EIF2S3B: variants seen among roughly 807,000 people sequenced by gnomAD.
The protein encoded by EIF2S3B is eukaryotic translation initiation factor 2 subunit gamma B.
In EIF2S3B, 16 loss-of-function variants were observed where a neutral mutation model predicts 26.4. The observed-to-expected ratio is 0.61, with a 90% CI of 0.41 to 0.92. EIF2S3B has a LOEUF of 0.92. Among genes scored for constraint, EIF2S3B ranks in the 40% least tolerant of loss-of-function variants. The probability of loss-of-function intolerance (pLI) is 0.00; values close to 1 mark genes in which losing one functional copy is unlikely to be tolerated. For synonymous variants in EIF2S3B, 183 were observed against 204.4 expected (o/e 0.90, Z 0.89); for missense variants, 510 against 575.5 (o/e 0.89, Z 1.16).
intron 1 of EIF2S3B, among the ~76,000 whole-genome samples, chr12:10,515,521 C>A (rs775075280): frequency 6.6e-6 from 1 of 151,860 alleles, no homozygotes; most frequent in Non-Finnish European, 1.5e-5. Context: ...TGAAATATAT[C>A]AAAACTGGTA....
chr12:10,507,438 T>C lies in EIF2S3B; in HGVS notation c.*117T>C. 2.5e-6 allele frequency: 3 copies of C among 1,218,650 alleles called. No individual in the cohort carries two copies. The highest frequency in any genetic ancestry group is 3.6e-6 in the Non-Finnish European group (3 of 842,904). 75.5% of individuals were successfully genotyped at this position (1,218,650 alleles called of 1,614,324 possible). ...GAATTGATTTCACAGTTTGTTACCT[T>C]AGTAGGTAACGGTAAGGTTATTCTC... On this transcript the variant is annotated 3_prime_UTR_variant, in exon 1 of 1. Transcript: ENST00000538173.
intron 1 of EIF2S3B, among the ~76,000 whole-genome samples, chr12:10,515,834 A>G (rs1864749580): frequency 6.6e-6 from 1 of 151,574 alleles, no homozygotes; most frequent in African/African-American, 2.4e-5. Context: ...ATGTATATAT[A>G]TGTGTGTGTA....
Position 10,506,781 on chromosome 12 carries a change from G to C in EIF2S3B, c.879G>C (p.Glu293Asp). The C allele has an allele frequency of 1.2e-6, 2 of 1,613,836 alleles. No homozygotes were observed. Among genetic ancestry groups the C allele is most frequent in the Non-Finnish European group, 1.7e-6 (2 of 1,179,708 alleles). ...AAGGAGTATTAAAGGTGGGCCAGGA[G>C]ACAGAAGTAAGACCTGGTATTGTTT... ...ILKGVLKVGQETEVRPGIVSK... is the reference protein window; with the variant it reads ...ILKGVLKVGQDTEVRPGIVSK... The change falls in exon 1 of 1, where the codon GAG becomes GAC. Residue 293 changes from glutamate to aspartate, a missense_variant. By Grantham distance (45) the Glu-to-Asp change is conservative. Transcript: ENST00000538173.
downstream of EIF2S3B, among the ~76,000 whole-genome samples, chr12:10,511,713 A>T (rs897893874): frequency 6.6e-6 from 1 of 152,182 alleles, no homozygotes; most frequent in African/African-American, 2.4e-5. Flanking sequence ...TTTGCATTTA[A>T]AGGGATTTGT....
In EIF2S3B at chr12:10,506,376, G is replaced by A; in HGVS notation, c.474G>A (p.Leu158=). 3.1e-6 allele frequency: 5 copies of A among 1,614,106 alleles called. No homozygotes were observed. The South Asian group carries it at 5.5e-5, about 18-fold the overall frequency. ...GAAVMDAALL[L]IAGNESCPQP... ...CAGTGATGGATGCAGCTCTTCTGTT[G>A]ATAGCTGGTAATGAATCTTGCCCTC... is the stretch of plus-strand genomic sequence containing the variant. The change falls in exon 1 of 1, where the codon TTG becomes TTA. Residue 158 remains leucine, a synonymous_variant. Transcript: ENST00000538173.
At chr12:10,518,578 T>C (rs984860401) in intron 1 of EIF2S3B, among the ~76,000 whole-genome samples, 3 of 152,272 alleles carry the variant, frequency 2.0e-5, no homozygotes, top group South Asian at 2.1e-4. Flanking sequence ...TGTCTTTTAA[T>C]TGGAGCATTT....
intron 1 of EIF2S3B, among the ~76,000 whole-genome samples, chr12:10,518,033 A>T (rs1297602992): frequency 2.0e-5 from 3 of 151,926 alleles, no homozygotes; most frequent in Non-Finnish European, 2.9e-5. Flanking sequence ...ACTTCCAACT[A>T]TGTGGTCAAT....
At chr12:10,513,745 T>C (rs1252846206) in intron 1 of EIF2S3B, among the ~76,000 whole-genome samples, 1 of 152,224 alleles carries the variant, frequency 6.6e-6, no homozygotes, top group Non-Finnish European at 1.5e-5. Flanking sequence ...CCGGGCACAG[T>C]GGCTCACGCC....
Position 10,506,428 on chromosome 12 carries a change from G to A in EIF2S3B, c.526G>A (p.Ala176Thr), listed in dbSNP as rs765999680. The A allele has an allele frequency of 1.9e-5, 30 of 1,613,554 alleles. No individual in the cohort carries two copies. The highest frequency in any genetic ancestry group is 2.5e-5 in the Non-Finnish European group (30 of 1,179,600). Residue 176 changes from alanine (A) to threonine (T), a missense_variant, in exon 1 of 1, where the codon GCT becomes ACT. Ala to Thr is a moderately conservative substitution (Grantham distance 58, BLOSUM62 0). Transcript: ENST00000538173. ...GCCTCAGACATCTGAACACCTGGCT[G>A]CTATAGAGATCATGAAACTGAAGCA... ...PQPQTSEHLA[A>T]IEIMKLKHIL... is the part of the protein sequence containing the mutation.
At chr12:10,523,094 A>C (rs1406221094) in exon 2 of EIF2S3B, 1 of 152,286 alleles carries the variant, frequency 6.6e-6, no homozygotes, top group African/African-American at 2.4e-5. Flanking sequence ...AATTATATGA[A>C]AAATTCTGAT....
downstream of EIF2S3B, among the ~76,000 whole-genome samples, chr12:10,512,057 G>A: frequency 6.6e-6 from 1 of 152,106 alleles, no homozygotes; most frequent in Non-Finnish European, 1.5e-5. Flanking sequence ...GTTCCATTCA[G>A]CAATCCACTC....
At position 10,508,517 on chromosome 12, in the gene EIF2S3B, T is replaced by G. The variant is rs1453861874; in HGVS notation, c.*1196T>G. Among the ~76,000 whole-genome samples, 1 of 114,654 alleles carries G rather than the reference T, an allele frequency of 8.7e-6. No homozygotes were observed. Among genetic ancestry groups the G allele is most frequent in the Non-Finnish European group, 1.8e-5 (1 of 56,712 alleles). The allele number at this position is 114,654 out of a possible 152,430, so 75.2% of individuals were successfully genotyped here. On this transcript the variant is annotated 3_prime_UTR_variant, in exon 1 of 1. Coordinates refer to ENST00000538173, the MANE Select transcript of EIF2S3B (RefSeq NM_001357734.3). The stretch of plus-strand genomic sequence containing the variant: ...TCAAAAGGTCAATAAGTAAAAGATG[T>G]TAGAAAGCAAAAAAAAAAAAAAAAA...
In EIF2S3B at chr12:10,505,989, G is replaced by T. The variant is rs573205960; in HGVS notation, c.87G>T (p.Thr29=). The stretch of plus-strand genomic sequence containing the variant: ...CCACCTTGGATGTTACCAAGTTGAC[G>T]CCACTTTCACACGAAGTTATCAGCA... The part of the protein sequence containing the change: ...DLTTLDVTKL[T]PLSHEVISRQ... The change falls in exon 1 of 1, where the codon ACG becomes ACT. Residue 29 remains threonine (T), a synonymous_variant. Coordinates refer to ENST00000538173, the MANE Select transcript of EIF2S3B (RefSeq NM_001357734.3). 1 of 1,605,898 alleles carries T rather than the reference G, an allele frequency of 6.2e-7. No individual in the cohort carries two copies. The highest frequency in any genetic ancestry group is 8.5e-7 in the Non-Finnish European group (1 of 1,172,500).
chr12:10,522,664 A>G, exon 2 of EIF2S3B: 1 of 698,774 alleles, frequency 1.4e-6, no homozygotes, highest in Non-Finnish European at 2.6e-6. Flanking sequence ...CTTACCAATG[A>G]GACACAGAGG....
intron 1 of EIF2S3B, among the ~76,000 whole-genome samples, chr12:10,518,498 G>A (rs1864790247): frequency 6.6e-6 from 1 of 151,952 alleles, no homozygotes; most frequent in African/African-American, 2.4e-5. Flanking sequence ...GTGTGTCTCT[G>A]CACGTGAGAT....
At chr12:10,519,160 G>C (rs1257644097) in intron 1 of EIF2S3B, among the ~76,000 whole-genome samples, 1 of 152,034 alleles carries the variant, frequency 6.6e-6, no homozygotes, top group Non-Finnish European at 1.5e-5. Flanking sequence ...CCAAAACAGC[G>C]ATATAGATCA....
In EIF2S3B at chr12:10,505,922, G is replaced by C. The variant is rs539272190; in HGVS notation, c.20G>C (p.Gly7Ala). MAGGEA[G>A]VTLGQPHLSR... ...GGCAACATGGCGGGCGGAGAAGCTG[G>C]GGTGACTCTGGGGCAGCCGCACCTT... Residue 7 changes from glycine (G) to alanine (A), a missense_variant, in exon 1 of 1, where the codon GGG becomes GCG. By Grantham distance (60) the Gly-to-Ala change is moderately conservative. Transcript: ENST00000538173. The C allele has an allele frequency of 5.2e-4, 839 of 1,598,766 alleles. 4 individuals carry two copies. In the African/African-American group the frequency reaches 0.01, roughly 19 times the overall value.
intron 1 of EIF2S3B, among the ~76,000 whole-genome samples, chr12:10,515,845 T>C (rs1864749705): frequency 6.6e-6 from 1 of 151,554 alleles, no homozygotes; most frequent in African/African-American, 2.4e-5. Context: ...TGTGTGTGTA[T>C]ACATGGGTAC....
At chr12:10,521,730 A>C (rs1364366263) in intron 1 of EIF2S3B, among the ~76,000 whole-genome samples, 1 of 152,214 alleles carries the variant, frequency 6.6e-6, no homozygotes, top group Non-Finnish European at 1.5e-5. Context: ...TGAGTATTTA[A>C]AGACTGTGAT....
Sources: allele counts gnomAD v4.1 joint callset (sites outside exome capture counted in the v4.1 genomes callset), GRCh38; gene constraint gnomAD v4.1.1; transcripts MANE v1.5; gene names NCBI Gene and HGNC (gene_info 2026-07-23, HGNC 2026-07-21).